CATSPERT: variants seen among roughly 807,000 people sequenced by gnomAD.
The protein encoded by CATSPERT is cation channel sperm-associated targeting subunit tau.
the CATSPERT span, among the ~76,000 whole-genome samples, chr2:201,501,482 A>C: frequency 6.6e-6 from 1 of 151,820 alleles, no homozygotes; most frequent in East Asian, 1.9e-4. Flanking sequence ...TCCTTAATGC[A>C]TACATTAGAA....
At chr2:201,497,718 T>A in the CATSPERT span, among the ~76,000 whole-genome samples, 3 of 152,144 alleles carry the variant, frequency 2.0e-5, no homozygotes, top group Non-Finnish European at 4.4e-5. Flanking sequence ...AAAGCTTCAG[T>A]AAAGTAATAT....
the CATSPERT span, chr2:201,487,557 A>C: frequency 1.0e-4 from 150 of 1,476,434 alleles, no homozygotes; most frequent in East Asian, 3.4e-3. Flanking sequence ...TGCTGGCCTC[A>C]CATATCATTC....
At chr2:201,561,761 C>T in the CATSPERT span, among the ~76,000 whole-genome samples, 3 of 151,942 alleles carry the variant, frequency 2.0e-5, no homozygotes, top group African/African-American at 7.3e-5. Context: ...GTAGTCCCAG[C>T]TACTCGGGAG....
chr2:201,535,546 T>G, the CATSPERT span: 1 of 975,844 alleles, frequency 1.0e-6, no homozygotes, highest in Non-Finnish European at 1.2e-6. Context: ...TCCTCAGGCT[T>G]TTAAATTTCC....
the CATSPERT span, among the ~76,000 whole-genome samples, chr2:201,521,255 G>GT: frequency 6.6e-6 from 1 of 152,160 alleles, no homozygotes; most frequent in Non-Finnish European, 1.5e-5. Flanking sequence ...TTCTCACACT[G>GT]TTATAAAAAA....
the CATSPERT span, chr2:201,493,912 G>A: frequency 1.3e-6 from 2 of 1,536,930 alleles, no homozygotes. Flanking sequence ...AGATTGTCCT[G>A]GTCCACTTTC....
At chr2:201,520,505 A>G in the CATSPERT span, among the ~76,000 whole-genome samples, 1 of 152,260 alleles carries the variant, frequency 6.6e-6, no homozygotes, top group Non-Finnish European at 1.5e-5. Flanking sequence ...AGAAATCAGT[A>G]AGATAAACAT....
chr2:201,613,161 T>C, the CATSPERT span, among the ~76,000 whole-genome samples: 1 of 152,224 alleles, frequency 6.6e-6, no homozygotes, highest in Non-Finnish European at 1.5e-5. Flanking sequence ...CAGAAACTTC[T>C]ACAGACTTAA....
chr2:201,535,380 A>T, the CATSPERT span: 487 of 979,982 alleles, frequency 5.0e-4, 5 homozygotes, highest in African/African-American at 8.1e-3. Flanking sequence ...TAAAGATATA[A>T]GTAGAATGGC....
At chr2:201,614,055 T>C in the CATSPERT span, among the ~76,000 whole-genome samples, 11 of 152,190 alleles carry the variant, frequency 7.2e-5, no homozygotes, top group Admixed American at 1.3e-4. Context: ...AATATGGGAC[T>C]ACGTGAAAAG....
At chr2:201,546,969 T>G in the CATSPERT span, among the ~76,000 whole-genome samples, 1 of 152,136 alleles carries the variant, frequency 6.6e-6, no homozygotes, top group African/African-American at 2.4e-5. Context: ...TACTGGTACA[T>G]GCTACAACAG....
the CATSPERT span, among the ~76,000 whole-genome samples, chr2:201,503,483 C>T: frequency 1.3e-5 from 2 of 152,164 alleles, no homozygotes; most frequent in African/African-American, 4.8e-5. Flanking sequence ...TAGCCTCTAA[C>T]TCCTGGGCTC....
chr2:201,552,505 T>A, the CATSPERT span, among the ~76,000 whole-genome samples: 1 of 152,096 alleles, frequency 6.6e-6, no homozygotes, highest in Non-Finnish European at 1.5e-5. Context: ...GAAAGAAAAA[T>A]TCATGAAGCC....
the CATSPERT span, among the ~76,000 whole-genome samples, chr2:201,614,451 G>A: frequency 6.6e-6 from 1 of 152,168 alleles, no homozygotes; most frequent in South Asian, 2.1e-4. Context: ...TTCATATCCA[G>A]CCAAACTAAA....
the CATSPERT span, among the ~76,000 whole-genome samples, chr2:201,609,567 T>C: frequency 6.6e-6 from 1 of 152,070 alleles, no homozygotes; most frequent in South Asian, 2.1e-4. Flanking sequence ...CACAGGTAAA[T>C]TAACAACATG....
At chr2:201,605,446 A>T in the CATSPERT span, among the ~76,000 whole-genome samples, 1 of 152,162 alleles carries the variant, frequency 6.6e-6, no homozygotes, top group Non-Finnish European at 1.5e-5. Context: ...AGAAAGAAGG[A>T]TATAAGAGGG....
At chr2:201,494,031 A>T in the CATSPERT span, 1 of 1,535,790 alleles carries the variant, frequency 6.5e-7, no homozygotes, top group Non-Finnish European at 8.7e-7. Flanking sequence ...AATCTGCAGG[A>T]ATATTTTCAA....
chr2:201,568,759 T>A, the CATSPERT span, among the ~76,000 whole-genome samples: 1 of 152,202 alleles, frequency 6.6e-6, no homozygotes, highest in Non-Finnish European at 1.5e-5. Flanking sequence ...ACTACTTTCA[T>A]AGATGGAGGG....
the CATSPERT span, chr2:201,550,578 T>A: frequency 3.1e-5 from 4 of 129,762 alleles, no homozygotes; most frequent in Admixed American, 3.4e-4. Flanking sequence ...CCACCTAGTA[T>A]CCTCATCATT....
Sources: gnomAD v4.1 joint callset for allele counts (sites outside exome capture counted in the v4.1 genomes callset) on GRCh38, gnomAD v4.1.1 for gene constraint, MANE v1.5 for transcripts, NCBI Gene and HGNC (gene_info 2026-07-23, HGNC 2026-07-21) for gene names.